The following COL6A3 variants were observed in gnomAD, a reference collection of about 807,000 sequenced individuals.
COL6A3 encodes collagen alpha-3(VI) chain.
COL6A3 carries 137 observed loss-of-function variants against 274.1 expected under a neutral mutation model. The ratio of observed to expected loss-of-function variants is 0.50; its 90% CI spans 0.44 to 0.58. The LOEUF (loss-of-function observed/expected upper bound fraction) is 0.58, where lower values mean the gene tolerates loss of function less well. COL6A3 is among the 20% of genes least tolerant of loss of function. The pLI, the probability that COL6A3 is intolerant of heterozygous loss-of-function variation, is 0.00. For synonymous variants in COL6A3, 1,650 were observed against 1,650.6 expected (o/e 1.00, Z 0.01); for missense variants, 3,950 against 4,124.9 (o/e 0.96, Z 1.16).
intron 28 of COL6A3, among the ~76,000 whole-genome samples, chr2:237,349,246 G>A (rs2077157083): frequency 6.6e-6 from 1 of 152,020 alleles, no homozygotes; most frequent in South Asian, 2.1e-4. Flanking sequence ...AGAAGAATCA[G>A]AAGAACGTGT....
At chr2:237,386,931 C>T (rs984159176) in intron 4 of COL6A3, among the ~76,000 whole-genome samples, 1 of 152,036 alleles carries the variant, frequency 6.6e-6, no homozygotes, top group East Asian at 1.9e-4. Flanking sequence ...TAAACCACTC[C>T]AATTGGCTGT....
In COL6A3 at chr2:237,372,253, A is replaced by C. The variant is rs759234768; in HGVS notation, c.3764T>G (p.Ile1255Arg). Residue 1255 changes from isoleucine (I) to arginine (R), a missense_variant, in exon 9 of 44, where the codon ATA becomes AGA. Around this residue, in one of 5 missense-constraint regions of COL6A3, gnomAD observed 1,934 missense variants for 1,984.3 expected, o/e 0.97. Coordinates refer to ENST00000295550, the MANE Select transcript of COL6A3 (RefSeq NM_004369.4). ...GPEFQYVRTL[I>R]ERLVDYLDVG... ...GTCCAGGTAGTCAACCAGCCTCTCT[A>C]TGAGGGTGCGAACGTACTGGAACTC... is the stretch of plus-strand genomic sequence containing the variant. 1 of 1,613,924 alleles carries C rather than the reference A, an allele frequency of 6.2e-7. No individual in the cohort carries two copies.
rs916143029 is a variant in COL6A3 at position 237,336,240 on chromosome 2, G to T, written c.8860C>A (p.Pro2954Thr). ...GGTTTTGCAGCAGCAGCAGCGGGGG[G>T]TCTTACAGCTGCTGGCTTTGCTGCT... ...PVAAKPAAVR[P>T]PAAAAAKPVA... The change falls in exon 40 of 44, where the codon CCC (proline) becomes ACC (threonine). Residue 2954 changes from proline to threonine, a missense_variant. By Grantham distance (38) the Pro-to-Thr change is conservative. Transcript: ENST00000295550. 7.4e-6 allele frequency: 12 copies of T among 1,614,004 alleles called. No individual in the cohort carries two copies. The highest frequency in any genetic ancestry group is 4.5e-5 in the East Asian group (2 of 44,880).
At chr2:237,328,494 T>C (rs913515347) in intron 42 of COL6A3, 2 of 152,152 alleles carry the variant, frequency 1.3e-5, no homozygotes, top group Admixed American at 6.5e-5. Context: ...ATAATATTCA[T>C]AGAAAAAAAT....
rs199646208 is a variant in COL6A3 at position 237,372,266 on chromosome 2, C to A, written c.3751G>T (p.Val1251Phe). 1.9e-6 allele frequency: 3 copies of A among 1,613,616 alleles called. No individual in the cohort carries two copies. Among genetic ancestry groups the A allele is most frequent in the Admixed American group, 1.7e-5 (1 of 60,028 alleles). The change falls in exon 9 of 44, where the codon GTT (valine) becomes TTT (phenylalanine). Residue 1251 changes from valine to phenylalanine, a missense_variant. Physicochemically the swap from Val to Phe is conservative, Grantham distance 50 (BLOSUM62 -1). Coordinates refer to ENST00000295550, the MANE Select transcript of COL6A3 (RefSeq NM_004369.4). ...SQSAGPEFQY[V>F]RTLIERLVDY... is the part of the protein sequence containing the mutation. ...ACCAGCCTCTCTATGAGGGTGCGAACGTACTGGAACTCAGGCCCGGCACTT... is the reference window on the plus strand; with the variant it reads ...ACCAGCCTCTCTATGAGGGTGCGAAAGTACTGGAACTCAGGCCCGGCACTT...
intron 42 of COL6A3, 177 bp from the exon 43 acceptor site, chr2:237,325,901 T>C: frequency 5.1e-6 from 3 of 583,046 alleles, no homozygotes; most frequent in Non-Finnish European, 9.1e-6. Context: ...CATATGGACA[T>C]AGGAATTGCT....
intron 40 of COL6A3, 62 bp from the exon 41 acceptor site, chr2:237,334,951 G>A: frequency 6.3e-7 from 1 of 1,588,108 alleles, no homozygotes. Context: ...TAGTGCATGA[G>A]CGAGAGAGGA....
chr2:237,364,793 TTGTGTGTGCA>T lies in COL6A3; in HGVS notation c.5839-375_5839-366del, dbSNP rs1441568865. ...GTACATATGTGTGTGTATGGGTGCA[TTGTGTGTGCA>T]TGTGTGTGCACGTGTGTGTGCATGT... On this transcript the variant is annotated intron_variant, in intron 12 of 43. Transcript: ENST00000295550. This position sits in a 1 kb window ranked among gnomAD's most constrained non-coding sequence, Gnocchi z 4.6. Among the ~76,000 whole-genome samples, 16 of 150,884 alleles carry T rather than the reference TTGTGTGTGCA, an allele frequency of 1.1e-4. No individual in the cohort carries two copies. The highest frequency in any genetic ancestry group is 3.9e-4 in the African/African-American group (16 of 41,164).
At chr2:237,357,031 C>G in intron 23 of COL6A3, 2 of 473,896 alleles carry the variant, frequency 4.2e-6, no homozygotes, top group Non-Finnish European at 3.8e-6. Flanking sequence ...ATTAGGATTT[C>G]CATTTGGGTC....
At position 237,371,273 on chromosome 2, in the gene COL6A3, G is replaced by A. The variant is rs2077679276; in HGVS notation, c.4285+459C>T. Among the ~76,000 whole-genome samples the A allele has an allele frequency of 6.6e-6, 1 of 152,154 alleles. No individual in the cohort carries two copies. The highest frequency in any genetic ancestry group is 1.5e-5 in the Non-Finnish European group (1 of 68,026). ...ACCCAACTTGTTCAGTCGCAGGTGT[G>A]TCCTGGTGGGGTCTGGCTGGTGGGC... On this transcript the variant is annotated intron_variant, in intron 9 of 43. Coordinates refer to ENST00000295550, the MANE Select transcript of COL6A3 (RefSeq NM_004369.4). This position sits in a 1 kb window ranked among gnomAD's most constrained non-coding sequence, Gnocchi z 4.3.
At chr2:237,411,311 T>C (rs1412250617) in intron 1 of COL6A3, among the ~76,000 whole-genome samples, 1 of 152,206 alleles carries the variant, frequency 6.6e-6, no homozygotes, top group Non-Finnish European at 1.5e-5. Context: ...GCAATAGTAT[T>C]CACGACTTGC....
chr2:237,339,192 G>T, intron 38 of COL6A3, 75 bp from the exon 39 acceptor site: 1 of 1,039,562 alleles, frequency 9.6e-7, no homozygotes, highest in Non-Finnish European at 1.5e-6. Context: ...CTGTCAACAA[G>T]TTAAATGAAT....
intron 38 of COL6A3, 101 bp downstream of exon 38, chr2:237,340,351 C>G: frequency 9.0e-7 from 1 of 1,108,148 alleles, no homozygotes; most frequent in Admixed American, 1.9e-5. Flanking sequence ...GAAACAGTTC[C>G]TGTCAACACA....
At chr2:237,350,119 C>A (rs201318368) in intron 28 of COL6A3, 28 bp downstream of exon 28, 2 of 1,612,200 alleles carry the variant, frequency 1.2e-6, no homozygotes, top group African/African-American at 2.7e-5. Context: ...TCAGCGACAG[C>A]CTGACCCCAA....
At position 237,324,498 on chromosome 2, in the gene COL6A3, T is replaced by C. The variant is rs1008344693; in HGVS notation, c.*276A>G. 2.4e-6 allele frequency: 1 copy of C among 424,546 alleles called. No individual in the cohort carries two copies. The highest frequency in any genetic ancestry group is 4.2e-5 in the East Asian group (1 of 23,568). The allele number at this position is 424,546 out of a possible 1,614,324, so 26.3% of individuals were successfully genotyped here. On this transcript the variant is annotated 3_prime_UTR_variant, in exon 44 of 44. Transcript: ENST00000295550. ...AAACTCCAGAGGGAATTTGGATTGA[T>C]AGGAATGTTCACATAAACACCAGCA...
chr2:237,408,352 T>C (rs2078771900), intron 1 of COL6A3, among the ~76,000 whole-genome samples: 1 of 152,208 alleles, frequency 6.6e-6, no homozygotes, highest in African/African-American at 2.4e-5. Flanking sequence ...GACTGCTCTC[T>C]TCCATCTGTT....
chr2:237,330,052 C>T (rs1700143923), intron 42 of COL6A3: 1 of 152,160 alleles, frequency 6.6e-6, no homozygotes, highest in Admixed American at 6.5e-5. Context: ...TTCTTTAACA[C>T]AGGTGATTAA....
Position 237,371,437 on chromosome 2 carries a change from A to G in COL6A3, c.4285+295T>C, listed in dbSNP as rs964761918. ...CATGGTGAAACCCCGTCTCCACAAA[A>G]AATACAAAAAATTAGCCGGGCGTGG... On this transcript the variant is annotated intron_variant, in intron 9 of 43. Transcript: ENST00000295550. This position sits in a 1 kb window ranked among gnomAD's most constrained non-coding sequence, Gnocchi z 4.3. Among the ~76,000 whole-genome samples, 1 of 152,098 alleles carries G rather than the reference A, an allele frequency of 6.6e-6. No individual in the cohort carries two copies. Among genetic ancestry groups the G allele is most frequent in the African/African-American group, 2.4e-5 (1 of 41,418 alleles).
At chr2:237,379,268 T>G in intron 5 of COL6A3, 33 bp from the exon 6 acceptor site, 1 of 1,613,908 alleles carries the variant, frequency 6.2e-7, no homozygotes, top group Non-Finnish European at 8.5e-7. Context: ...AAGTGAGACA[T>G]ACACAACCAC....
Sources: allele counts gnomAD v4.1 joint callset (sites outside exome capture counted in the v4.1 genomes callset), GRCh38; gene constraint gnomAD v4.1.1; regional missense constraint gnomAD v4.1.1; non-coding constraint Gnocchi (gnomAD v3.1); transcripts MANE v1.5; gene names NCBI Gene and HGNC (gene_info 2026-07-23, HGNC 2026-07-21).